Variants in LARGE1 observed in about 807,000 individuals in gnomAD.
LARGE1 encodes the protein LARGE xylosyl- and glucuronyltransferase 1, also known as xylosyl- and glucuronyltransferase LARGE1.
In LARGE1, 43 loss-of-function variants were observed where a neutral mutation model predicts 87.6. That is an observed-to-expected ratio of 0.49 (90% CI 0.38 to 0.63). The LOEUF is 0.63. Ranked by LOEUF, LARGE1 falls within the 30% of genes least tolerant of loss-of-function variation. LARGE1 has a pLI of 0.00. For missense variants in LARGE1, 802 were observed against 1,000.2 expected, an observed-to-expected ratio of 0.80 and a Z score of 2.67; for synonymous variants, 434 against 394.6, an observed-to-expected ratio of 1.10 and a Z score of -1.18.
intron 2 of LARGE1, among the ~76,000 whole-genome samples, chr22:33,660,039 G>C (rs1031508092): frequency 2.0e-5 from 3 of 149,476 alleles, no homozygotes; most frequent in Admixed American, 6.7e-5. Flanking sequence ...GAAACTTCAG[G>C]TTCAATGATT....
intron 1 of LARGE1, among the ~76,000 whole-genome samples, chr22:33,869,398 TA>T (rs937024660): frequency 2.6e-5 from 4 of 151,278 alleles, no homozygotes; most frequent in South Asian, 4.2e-4. Flanking sequence ...CCCTCCCAAG[TA>T]GGGAAAAAAA....
intron 13 of LARGE1, among the ~76,000 whole-genome samples, chr22:33,280,692 T>C (rs762175518): frequency 6.6e-6 from 1 of 152,184 alleles, no homozygotes; most frequent in Non-Finnish European, 1.5e-5. Flanking sequence ...GAATGACCTA[T>C]TGCCAAATGC....
chr22:33,846,872 T>C (rs1466489133), intron 1 of LARGE1, among the ~76,000 whole-genome samples: 1 of 152,210 alleles, frequency 6.6e-6, no homozygotes, highest in African/African-American at 2.4e-5. Context: ...ATGTTATCAA[T>C]GACAATGGTG....
At chr22:33,550,198 T>C (rs1244089304) in intron 6 of LARGE1, among the ~76,000 whole-genome samples, 1 of 151,086 alleles carries the variant, frequency 6.6e-6, no homozygotes, top group Non-Finnish European at 1.5e-5. Flanking sequence ...TGTATGTATG[T>C]ATATATATAT....
chr22:33,436,035 G>GT (rs2067257603), intron 6 of LARGE1, among the ~76,000 whole-genome samples: 1 of 152,194 alleles, frequency 6.6e-6, no homozygotes, highest in Admixed American at 6.5e-5. Context: ...CTTTCAGGCT[G>GT]TGCCTTCCCA....
chr22:33,295,594 G>A (rs1047964260), intron 12 of LARGE1, among the ~76,000 whole-genome samples: 1 of 152,184 alleles, frequency 6.6e-6, no homozygotes, highest in Non-Finnish European at 1.5e-5. Context: ...TCACTCTGGA[G>A]GCCACCTCAG....
intron 14 of LARGE1, among the ~76,000 whole-genome samples, chr22:33,275,578 A>T (rs1929085570): frequency 1.3e-5 from 2 of 152,232 alleles, no homozygotes; most frequent in Admixed American, 1.3e-4. Context: ...GGGACATTTA[A>T]TGGAGGGACA....
intron 11 of LARGE1, among the ~76,000 whole-genome samples, chr22:33,205,899 C>T (rs1241483604): frequency 6.6e-6 from 1 of 151,254 alleles, no homozygotes; most frequent in Non-Finnish European, 1.5e-5. Context: ...CTGCCTCAGC[C>T]TCCTGAGCAG....
At chr22:33,652,412 A>G (rs963606298) in intron 2 of LARGE1, among the ~76,000 whole-genome samples, 2 of 152,148 alleles carry the variant, frequency 1.3e-5, no homozygotes, top group South Asian at 4.1e-4. Context: ...AAGGATACTT[A>G]TATCACCTTG....
intron 13 of LARGE1, among the ~76,000 whole-genome samples, chr22:33,277,504 A>C (rs1929566125): frequency 6.6e-6 from 1 of 152,200 alleles, no homozygotes; most frequent in African/African-American, 2.4e-5. Context: ...CACTAATCCA[A>C]TATTTGTTGT....
intron 6 of LARGE1, among the ~76,000 whole-genome samples, chr22:33,528,082 A>T (rs1285209791): frequency 7.7e-6 from 1 of 130,718 alleles, no homozygotes; most frequent in African/African-American, 2.8e-5. Flanking sequence ...CCTTGTACAG[A>T]GTAGACATAC....
chr22:33,287,281 TG>T (rs1931727713), intron 12 of LARGE1, among the ~76,000 whole-genome samples: 2 of 152,244 alleles, frequency 1.3e-5, no homozygotes, highest in Admixed American at 1.3e-4. Flanking sequence ...ACCAATATAC[TG>T]GAAGACCCAA....
intron 1 of LARGE1, chr22:33,889,327 C>A (rs1265063457): frequency 6.6e-6 from 1 of 152,242 alleles, no homozygotes. Context: ...CTGGGCTAGG[C>A]AGACTTCTGC....
chr22:33,384,215 G>A lies in LARGE1; in HGVS notation c.982C>T (p.Leu328Phe). 6.2e-7 allele frequency: 1 copy of A among 1,613,990 alleles called. No individual in the cohort carries two copies. The highest frequency in any genetic ancestry group is 1.3e-5 in the African/African-American group (1 of 75,040). The change falls in exon 8 of 15, where the codon CTC (leucine) becomes TTC (phenylalanine). Residue 328 changes from leucine to phenylalanine, a missense_variant. Physicochemically the swap from Leu to Phe is conservative, Grantham distance 22 (BLOSUM62 0). Around this residue, in one of 2 missense-constraint regions of LARGE1, gnomAD observed 625 missense variants for 841.9 expected, o/e 0.74. Transcript: ENST00000397394. ...ACCTGGTCAGCTAAGGATGTAGAGA[G>A]CATGCCCATGAGCTCCCTCTCTGCG... The part of the protein sequence containing the change: ...LTAERELMGM[L>F]STSLADQDIF...
chr22:33,354,937 T>C (rs556569789), intron 9 of LARGE1, among the ~76,000 whole-genome samples: 1 of 152,314 alleles, frequency 6.6e-6, no homozygotes, highest in Admixed American at 6.5e-5. Context: ...AATACTTATG[T>C]TTTTCATAAG....
intron 7 of LARGE1, among the ~76,000 whole-genome samples, chr22:33,416,466 T>A (rs1410190536): frequency 2.0e-5 from 3 of 152,058 alleles, no homozygotes; most frequent in African/African-American, 7.2e-5. Flanking sequence ...GACTCCTCCA[T>A]CATAGTGCAG....
intron 10 of LARGE1, among the ~76,000 whole-genome samples, chr22:33,334,099 G>A (rs1460311717): frequency 6.7e-6 from 1 of 148,932 alleles, no homozygotes; most frequent in African/African-American, 2.5e-5. Context: ...CTCCAGCTGG[G>A]GCGACAGTGC....
intron 6 of LARGE1, 145 bp from the exon 7 acceptor site, chr22:33,432,410 C>T: frequency 2.9e-6 from 2 of 689,624 alleles, no homozygotes; most frequent in Non-Finnish European, 5.3e-6. Flanking sequence ...CAGCCTCTGA[C>T]CTAACAGCTT....
At chr22:33,658,469 T>A (rs74984725) in intron 2 of LARGE1, among the ~76,000 whole-genome samples, 1 of 152,118 alleles carries the variant, frequency 6.6e-6, no homozygotes, top group South Asian at 2.1e-4. Context: ...GGCCCCAGTG[T>A]GTGTTGTTCC....
Sources: gnomAD v4.1 joint callset for allele counts (sites outside exome capture counted in the v4.1 genomes callset) on GRCh38, gnomAD v4.1.1 for gene constraint, gnomAD v4.1.1 regional missense constraint, MANE v1.5 for transcripts, NCBI Gene and HGNC (gene_info 2026-07-23, HGNC 2026-07-21) for gene names.